The following CDYL variants were observed in gnomAD, a reference collection of about 807,000 sequenced individuals.
CDYL encodes chromodomain Y-like protein.
A neutral mutation model predicts 47.3 loss-of-function variants in CDYL; 8 were observed. That is an observed-to-expected ratio of 0.17 (90% confidence interval 0.10 to 0.31). CDYL has a LOEUF of 0.31. Ranked by LOEUF, CDYL falls within the 10% of genes least tolerant of loss-of-function variation. The pLI is 1.00. For synonymous variants in CDYL, 266 were observed against 265.0 expected, an observed-to-expected ratio of 1.00 and a Z score of -0.04; for missense variants, 471 against 701.4, an observed-to-expected ratio of 0.67 and a Z score of 3.71.
chr6:4,785,393 T>C (rs886479190), intron 1 of CDYL, among the ~76,000 whole-genome samples: 1 of 152,244 alleles, frequency 6.6e-6, no homozygotes, highest in African/African-American at 2.4e-5. Flanking sequence ...TTTCCATTTG[T>C]AGTAGGCTCT....
intron 4 of CDYL, among the ~76,000 whole-genome samples, chr6:4,940,141 G>C (rs1198156649): frequency 1.3e-5 from 2 of 152,140 alleles, no homozygotes; most frequent in Admixed American, 1.3e-4. Flanking sequence ...CACTTTAAAA[G>C]TTCACTTTCA....
In CDYL at chr6:4,736,719, C is replaced by T. The variant is rs577393458; in HGVS notation, c.186+1875C>T. ...CTTAGCTTTTTTTTTCCCTCATAAC[C>T]CATAGACTTAGCAGGAGGAGCATAG... is the stretch of plus-strand genomic sequence containing the variant. On this transcript the variant is annotated intron_variant, in intron 3 of 8. Transcript: ENST00000328908. Among the ~76,000 whole-genome samples, 26 of 151,936 alleles carry T rather than the reference C, an allele frequency of 1.7e-4. No individual in the cohort carries two copies. The South Asian group carries it at 5.4e-3, about 32-fold the overall frequency.
At chr6:4,769,619 A>C (rs1758306443) in intron 3 of CDYL, among the ~76,000 whole-genome samples, 1 of 152,172 alleles carries the variant, frequency 6.6e-6, no homozygotes, top group Non-Finnish European at 1.5e-5. Context: ...AATTATTTGA[A>C]AATAATTTTT....
chr6:4,785,343 A>G (rs1368552454), intron 1 of CDYL, among the ~76,000 whole-genome samples: 1 of 152,212 alleles, frequency 6.6e-6, no homozygotes, highest in East Asian at 1.9e-4. Context: ...GGTTAGCTTC[A>G]ATATATCTAG....
rs569585589 is a variant in CDYL at position 4,925,035 on chromosome 6, C to T, written c.692-10480C>T. Among the ~76,000 whole-genome samples the T allele has an allele frequency of 2.6e-5, 4 of 152,302 alleles. No homozygotes were observed. In the South Asian group the frequency reaches 8.3e-4, roughly 32 times the overall value. On this transcript the variant is annotated intron_variant, in intron 2 of 6. Transcript: ENST00000397588. ...GTTGCAGCATGTGGCTACTGCGAAG[C>T]AATAGAAGGACTGCAATCTGAAACC...
intron 5 of CDYL, among the ~76,000 whole-genome samples, chr6:4,948,525 G>A (rs1255746160): frequency 9.7e-6 from 1 of 103,506 alleles, no homozygotes; most frequent in African/African-American, 2.7e-5. Flanking sequence ...CAACTGGGCA[G>A]TTTTCACCCC....
At chr6:4,758,304 A>G (rs558624924) in intron 3 of CDYL, among the ~76,000 whole-genome samples, 1 of 149,876 alleles carries the variant, frequency 6.7e-6, no homozygotes, top group South Asian at 2.1e-4. Context: ...ACGCCACTGC[A>G]CTCCAGCGTG....
chr6:4,940,750 C>G (rs924289048), intron 4 of CDYL, among the ~76,000 whole-genome samples: 2 of 152,248 alleles, frequency 1.3e-5, no homozygotes, highest in African/African-American at 4.8e-5. Flanking sequence ...TCTTCTTCCT[C>G]CCACAGAGGG....
intron 2 of CDYL, among the ~76,000 whole-genome samples, chr6:4,935,057 T>C (rs1400054460): frequency 6.6e-6 from 1 of 152,246 alleles, no homozygotes; most frequent in Non-Finnish European, 1.5e-5. Flanking sequence ...CAGAGAAGGC[T>C]GGCTGCATCC....
intron 2 of CDYL, among the ~76,000 whole-genome samples, chr6:4,922,950 A>G (rs9405786): frequency 0.079 from 11,978 of 151,708 alleles, 588 homozygotes; most frequent in East Asian, 0.13. Context: ...CCCCCCTTTT[A>G]TTTTTTACTA....
chr6:4,838,606 G>C (rs967039627), intron 1 of CDYL, among the ~76,000 whole-genome samples: 3 of 152,152 alleles, frequency 2.0e-5, no homozygotes, highest in Admixed American at 1.3e-4. Flanking sequence ...AAACGTGTGT[G>C]CAAGTGTCTT....
At chr6:4,730,925 A>G (rs990654823) in intron 2 of CDYL, among the ~76,000 whole-genome samples, 1 of 152,190 alleles carries the variant, frequency 6.6e-6, no homozygotes, top group Non-Finnish European at 1.5e-5. Flanking sequence ...TTTAGCAAAT[A>G]TCCTGGAAAA....
At chr6:4,712,616 C>T (rs138912270) in intron 1 of CDYL, among the ~76,000 whole-genome samples, 119 of 152,350 alleles carry the variant, frequency 7.8e-4, no homozygotes, top group African/African-American at 2.5e-3. Flanking sequence ...TCTTTCCACA[C>T]TGGGATATTC....
intron 1 of CDYL, among the ~76,000 whole-genome samples, chr6:4,782,071 T>C (rs1483180093): frequency 1.1e-5 from 1 of 90,202 alleles, no homozygotes; most frequent in African/African-American, 4.1e-5. Context: ...TGGGTGGGGG[T>C]GGGTTGGGGA....
rs745476824 is a variant in CDYL, at chr6:4,891,727, T to A, written c.39T>A (p.Val13=). ...TTTATGAACAGGTTGAAAGGATTGT[T>A]GACAAAAGGAAAAATAAAAAAGGGA... ...SEELYEVERI[V]DKRKNKKGKT... The change falls in exon 2 of 7, where the codon GTT becomes GTA. Residue 13 remains valine, a synonymous_variant. Coordinates refer to ENST00000397588, the MANE Select transcript of CDYL (RefSeq NM_004824.4). 4.5e-5 allele frequency: 73 copies of A among 1,612,350 alleles called. No individual in the cohort carries two copies. The highest frequency in any genetic ancestry group is 3.2e-4 in the Admixed American group (19 of 59,822).
chr6:4,730,523 A>T (rs1757584480), intron 2 of CDYL, among the ~76,000 whole-genome samples: 1 of 151,834 alleles, frequency 6.6e-6, no homozygotes, highest in Non-Finnish European at 1.5e-5. Flanking sequence ...AAAAATACAA[A>T]ATTAGCCTGG....
At chr6:4,918,369 GC>G (rs140155347) in intron 2 of CDYL, among the ~76,000 whole-genome samples, 12,928 of 148,570 alleles carry the variant, frequency 0.087, 596 homozygotes, top group Middle Eastern at 0.13. Context: ...GTGATGTTCT[GC>G]CCCCCCCCCT....
At chr6:4,731,104 T>G (rs1258481458) in intron 2 of CDYL, among the ~76,000 whole-genome samples, 1 of 152,224 alleles carries the variant, frequency 6.6e-6, no homozygotes, top group Non-Finnish European at 1.5e-5. Flanking sequence ...TCCTGACTAG[T>G]GCGAATACTC....
intron 2 of CDYL, chr6:4,733,226 G>A (rs1035692901): frequency 6.6e-6 from 1 of 152,180 alleles, no homozygotes; most frequent in African/African-American, 2.4e-5. Context: ...GAATGTCAGT[G>A]ACTCTTCACT....
Sources: gnomAD v4.1 joint callset for allele counts (sites outside exome capture counted in the v4.1 genomes callset) on GRCh38, gnomAD v4.1.1 for gene constraint, MANE v1.5 for transcripts, NCBI Gene and HGNC (gene_info 2026-07-23, HGNC 2026-07-21) for gene names.